Variants in LAMA2 observed in about 807,000 individuals in gnomAD.
LAMA2 encodes the protein laminin subunit alpha 2, also known as laminin subunit alpha-2.
A neutral mutation model predicts 364.8 loss-of-function variants in LAMA2; 269 were observed. The observed-to-expected ratio is 0.74, with a 90% CI of 0.67 to 0.82. The LOEUF (loss-of-function observed/expected upper bound fraction) is 0.82, where lower values mean the gene tolerates loss of function less well. LAMA2 is among the 40% of genes least tolerant of loss of function. The probability of loss-of-function intolerance (pLI) is 0.00; values close to 1 mark genes in which losing one functional copy is unlikely to be tolerated. For synonymous variants in LAMA2, 1,379 were observed against 1,370.6 expected, an observed-to-expected ratio of 1.01 and a Z score of -0.14; for missense variants, 3,807 against 3,873.2, an observed-to-expected ratio of 0.98 and a Z score of 0.45.
intron 4 of LAMA2, among the ~76,000 whole-genome samples, chr6:129,131,772 G>A (rs1777488490): frequency 6.6e-6 from 1 of 152,228 alleles, no homozygotes; most frequent in South Asian, 2.1e-4. Flanking sequence ...TGTCCTATAA[G>A]CCATGTAAAA....
At chr6:129,274,641 A>C (rs1788176943) in intron 17 of LAMA2, among the ~76,000 whole-genome samples, 1 of 152,022 alleles carries the variant, frequency 6.6e-6, no homozygotes, top group African/African-American at 2.4e-5. Context: ...AATACAGAGA[A>C]GCATATAATA....
chr6:129,056,439 C>T (rs1326999831), intron 2 of LAMA2, among the ~76,000 whole-genome samples: 3 of 152,120 alleles, frequency 2.0e-5, no homozygotes, highest in South Asian at 4.1e-4. Flanking sequence ...GAAGCCTCAT[C>T]TCTATGGACT....
intron 63 of LAMA2, among the ~76,000 whole-genome samples, chr6:129,513,066 C>T (rs1786729656): frequency 6.6e-6 from 1 of 152,144 alleles, no homozygotes; most frequent in Admixed American, 6.5e-5. Context: ...TGCATTAAGA[C>T]AACTTTGCAC....
chr6:129,410,714 T>TTAGATAGATAGA (rs36203052), intron 40 of LAMA2, among the ~76,000 whole-genome samples: 125 of 150,412 alleles, frequency 8.3e-4, no homozygotes, highest in Middle Eastern at 3.4e-3. Context: ...GATAGACAGA[T>TTAGATAGATAGA]TAGATAGATA....
Position 129,473,291 on chromosome 6 carries a change from C to T in LAMA2, c.7378C>T (p.Leu2460Phe), listed in dbSNP as rs747699633. 1.2e-6 allele frequency: 2 copies of T among 1,612,254 alleles called. No individual in the cohort carries two copies. The highest frequency in any genetic ancestry group is 2.2e-5 in the East Asian group (1 of 44,762). Residue 2460 changes from leucine (L) to phenylalanine (F), a missense_variant, in exon 52 of 65, where the codon CTT becomes TTT. Physicochemically the swap from Leu to Phe is conservative, Grantham distance 22 (BLOSUM62 0). Coordinates refer to ENST00000421865, the MANE Select transcript of LAMA2 (RefSeq NM_000426.4). ...TTCGTCTTCTGGAAACAACTTTGGTCTTGACTTGAAAGCAGATGACAAAAT... is the reference window on the plus strand; with the variant it reads ...TTCGTCTTCTGGAAACAACTTTGGTTTTGACTTGAAAGCAGATGACAAAAT... ...ATSSSGNNFG[L>F]DLKADDKIYF...
intron 1 of LAMA2, among the ~76,000 whole-genome samples, chr6:128,955,391 G>T (rs1260872100): frequency 6.6e-6 from 1 of 151,886 alleles, no homozygotes; most frequent in Non-Finnish European, 1.5e-5. Flanking sequence ...GCAGAACCAG[G>T]ATTTAGGCAC....
intron 3 of LAMA2, among the ~76,000 whole-genome samples, chr6:129,062,110 T>C (rs187448950): frequency 1.3e-5 from 2 of 152,312 alleles, no homozygotes; most frequent in Non-Finnish European, 2.9e-5. Flanking sequence ...GCCTCAGGCT[T>C]TGGAATAACA....
intron 29 of LAMA2, 121 bp from the exon 30 acceptor site, chr6:129,342,218 AGTGT>A (rs908524600): frequency 9.6e-6 from 7 of 730,348 alleles, no homozygotes; most frequent in African/African-American, 6.9e-5. Flanking sequence ...TGTGTGTGTG[AGTGT>A]GTGTGTGTAA....
chr6:128,946,086 G>T (rs1780464970), intron 1 of LAMA2, among the ~76,000 whole-genome samples: 1 of 152,194 alleles, frequency 6.6e-6, no homozygotes, highest in South Asian at 2.1e-4. Context: ...TAATCAGCAA[G>T]AAAGCACAGC....
intron 3 of LAMA2, among the ~76,000 whole-genome samples, chr6:129,080,864 A>G (rs1774006338): frequency 6.6e-6 from 1 of 152,162 alleles, no homozygotes; most frequent in South Asian, 2.1e-4. Flanking sequence ...AACTAGAAAT[A>G]CCATTTGACC....
At chr6:129,292,962 G>A in intron 20 of LAMA2, 2 of 985,918 alleles carry the variant, frequency 2.0e-6, no homozygotes, top group Non-Finnish European at 2.4e-6. Context: ...GCACCAACAG[G>A]AGGAGCAGCC....
intron 61 of LAMA2, among the ~76,000 whole-genome samples, chr6:129,505,753 C>G (rs1202398672): frequency 1.3e-5 from 2 of 151,870 alleles, no homozygotes. Context: ...AGGATGGTCT[C>G]AATCTCCTGA....
intron 1 of LAMA2, among the ~76,000 whole-genome samples, chr6:129,011,531 G>A: frequency 6.6e-6 from 1 of 152,142 alleles, no homozygotes; most frequent in South Asian, 2.1e-4. Context: ...GCAAGGCTCT[G>A]CCTAATGGAA....
chr6:129,136,310 A>G lies in LAMA2; in HGVS notation c.640-7591A>G, dbSNP rs373331759. On this transcript the variant is annotated intron_variant, in intron 4 of 64. Coordinates refer to ENST00000421865, the MANE Select transcript of LAMA2 (RefSeq NM_000426.4). ...GCAGGACGACCACCAGAGGCTTTCT[A>G]AGAAAAAGAATCATAGAGACTTTGA... Among the ~76,000 whole-genome samples, 5 of 152,292 alleles carry G rather than the reference A, an allele frequency of 3.3e-5. No homozygotes were observed. In the East Asian group the frequency reaches 7.7e-4, roughly 24 times the overall value.
chr6:129,194,561 C>A (rs971640392), intron 12 of LAMA2, among the ~76,000 whole-genome samples: 45 of 152,174 alleles, frequency 3.0e-4, no homozygotes, highest in Non-Finnish European at 6.3e-4. Context: ...CCCTACCGAT[C>A]ATTTTCACAT....
At chr6:129,062,771 C>T (rs1398348693) in intron 3 of LAMA2, among the ~76,000 whole-genome samples, 1 of 152,064 alleles carries the variant, frequency 6.6e-6, no homozygotes, top group African/African-American at 2.4e-5. Context: ...ATTAGTTCTT[C>T]TTTTGTATAA....
intron 6 of LAMA2, among the ~76,000 whole-genome samples, chr6:129,147,381 C>A (rs981275679): frequency 6.6e-6 from 1 of 150,568 alleles, no homozygotes; most frequent in Admixed American, 6.6e-5. Flanking sequence ...TCAACCTGAC[C>A]ATTTCTTTTA....
chr6:129,201,900 A>T (rs1015707858), intron 12 of LAMA2, among the ~76,000 whole-genome samples: 1 of 152,150 alleles, frequency 6.6e-6, no homozygotes, highest in African/African-American at 2.4e-5. Context: ...TCAGAAAAAA[A>T]CTAACATGGC....
rs5879915 is a variant in LAMA2, at chr6:128,917,706, T to TTTTCTTTCTTTCTTTC, written c.112+34365_112+34380dup. Among the ~76,000 whole-genome samples, 125 of 98,380 alleles carry TTTTCTTTCTTTCTTTC rather than the reference T, an allele frequency of 1.3e-3. 1 individual carries two copies. Among genetic ancestry groups the TTTTCTTTCTTTCTTTC allele is most frequent in the African/African-American group, 4.0e-3 (102 of 25,342 alleles). 64.5% of individuals were successfully genotyped at this position (98,380 alleles called of 152,430 possible). On this transcript the variant is annotated intron_variant, in intron 1 of 64. Transcript: ENST00000421865. ...CTATTATCTGTCCTTTTTCTTTTTT[T>TTTTCTTTCTTTCTTTC]TTTCTTTCTTTCTTTCTTTCTTTCT...
Sources: allele counts gnomAD v4.1 joint callset (sites outside exome capture counted in the v4.1 genomes callset), GRCh38; gene constraint gnomAD v4.1.1; transcripts MANE v1.5; gene names NCBI Gene and HGNC (gene_info 2026-07-23, HGNC 2026-07-21).